Variants in TUT4 observed in about 807,000 individuals in gnomAD.
TUT4 encodes the protein terminal uridylyl transferase 4, also known as terminal uridylyltransferase 4.
In TUT4, 36 loss-of-function variants were observed where a neutral mutation model predicts 192.2. The observed-to-expected ratio is 0.19, with a 90% CI of 0.14 to 0.25. The LOEUF (loss-of-function observed/expected upper bound fraction) is 0.25, where lower values mean the gene tolerates loss of function less well. TUT4 is among the 10% of genes least tolerant of loss of function. The pLI, the probability that TUT4 is intolerant of heterozygous loss-of-function variation, is 1.00. For missense variants in TUT4, 1,493 were observed against 1,957.2 expected (o/e 0.76, Z 4.47); for synonymous variants, 618 against 666.0 (o/e 0.93, Z 1.11).
At chr1:52,480,262 C>A (rs1668177969) in intron 11 of TUT4, among the ~76,000 whole-genome samples, 1 of 152,108 alleles carries the variant, frequency 6.6e-6, no homozygotes, top group Non-Finnish European at 1.5e-5. Flanking sequence ...GCAAAGGAAA[C>A]TGAGAAGGAA....
Position 52,436,883 on chromosome 1 carries a change from T to A in TUT4, c.4034A>T (p.Asp1345Val), listed in dbSNP as rs1383499973. 2 of 1,613,902 alleles carry A rather than the reference T, an allele frequency of 1.2e-6. No individual in the cohort carries two copies. Among genetic ancestry groups the A allele is most frequent in the Non-Finnish European group, 1.7e-6 (2 of 1,179,960 alleles). Reference protein sequence around the residue: ...KDSRDVLDPRDLHDTRDFRDP... With the variant: ...KDSRDVLDPRVLHDTRDFRDP... ...TCTAAAGTCTCGAGTATCGTGGAGG[T>A]CTCGGGGGTCAAGAACATCTCGGGA... The change falls in exon 26 of 30, where the codon GAC becomes GTC. Residue 1345 changes from aspartate to valine, a missense_variant. Around this residue, in one of 7 missense-constraint regions of TUT4, gnomAD observed 351 missense variants for 397.8 expected, o/e 0.88. Transcript: ENST00000257177.
At chr1:52,463,910 C>T (rs1663325126) in intron 16 of TUT4, 5 of 622,272 alleles carry the variant, frequency 8.0e-6, no homozygotes, top group Non-Finnish European at 1.2e-5. Context: ...TTAGGTTCTA[C>T]AGTACTATTA....
chr1:52,531,509 C>A (rs556638757), intron 1 of TUT4, among the ~76,000 whole-genome samples: 8 of 152,310 alleles, frequency 5.3e-5, no homozygotes, highest in Admixed American at 2.6e-4. Context: ...GGTAAGAAAT[C>A]ATTTCTGATT....
intron 1 of TUT4, among the ~76,000 whole-genome samples, chr1:52,539,855 A>G (rs1387485318): frequency 1.3e-5 from 2 of 151,652 alleles, no homozygotes; most frequent in African/African-American, 4.8e-5. Context: ...GCAGTGAGCC[A>G]AGATTATGCC....
chr1:52,507,546 A>C (rs764276192), intron 4 of TUT4, among the ~76,000 whole-genome samples: 4 of 152,098 alleles, frequency 2.6e-5, no homozygotes, highest in Non-Finnish European at 5.9e-5. Context: ...TACGTCCTAT[A>C]TGGCTGCATT....
In TUT4 at chr1:52,525,897, T is replaced by C. The variant is rs61739318; in HGVS notation, c.384A>G (p.Ala128=). The C allele has an allele frequency of 2.2e-3, 3,566 of 1,614,076 alleles. 83 individuals carry two copies. The African/African-American group carries it at 0.043, about 20-fold the overall frequency. The change falls in exon 2 of 30, where the codon GCA becomes GCG. Residue 128 remains alanine (A), a synonymous_variant. Transcript: ENST00000257177. The part of the protein sequence containing the change: ...SEKATSLQAK[A]EKSPKSPNSV... ...AATTAGGTGACTTTGGTGATTTTTC[T>C]GCTTTTGCCTGTAAACTGGTTGCCT...
intron 15 of TUT4, among the ~76,000 whole-genome samples, chr1:52,465,559 A>G (rs973997233): frequency 6.6e-6 from 1 of 152,220 alleles, no homozygotes; most frequent in Non-Finnish European, 1.5e-5. Flanking sequence ...CATCCAAACA[A>G]TCATTGAGAC....
intron 1 of TUT4, among the ~76,000 whole-genome samples, chr1:52,539,764 G>A (rs1425384832): frequency 6.6e-6 from 1 of 151,760 alleles, no homozygotes; most frequent in East Asian, 1.9e-4. Flanking sequence ...AAAATTAGCT[G>A]GGAGTGGTGG....
intron 8 of TUT4, among the ~76,000 whole-genome samples, chr1:52,489,527 T>A (rs938077460): frequency 2.0e-5 from 3 of 152,226 alleles, no homozygotes; most frequent in African/African-American, 7.2e-5. Flanking sequence ...TAATATGTTA[T>A]TTTCAGAGTA....
intron 20 of TUT4, among the ~76,000 whole-genome samples, chr1:52,452,023 A>G (rs527460855): frequency 2.0e-5 from 3 of 151,952 alleles, no homozygotes; most frequent in African/African-American, 4.8e-5. Flanking sequence ...AAATTAAACC[A>G]ATTCTCGAAG....
chr1:52,453,149 C>A (rs1159937756), intron 20 of TUT4, among the ~76,000 whole-genome samples: 1 of 152,106 alleles, frequency 6.6e-6, no homozygotes, highest in South Asian at 2.1e-4. Context: ...CTTTGGGAGG[C>A]TGAGGCAGGT....
At chr1:52,484,940 ATTCT>A (rs1669419172) in intron 9 of TUT4, among the ~76,000 whole-genome samples, 1 of 152,110 alleles carries the variant, frequency 6.6e-6, no homozygotes, top group South Asian at 2.1e-4. Flanking sequence ...AATGTCATTC[ATTCT>A]ATCATTTCAT....
At chr1:52,469,055 T>C (rs1014144587) in intron 14 of TUT4, among the ~76,000 whole-genome samples, 1 of 150,740 alleles carries the variant, frequency 6.6e-6, no homozygotes. Context: ...AAAATTAATG[T>C]AATTCGTTAA....
Position 52,489,038 on chromosome 1 carries a change from G to A in TUT4, c.1389-3C>T, listed in dbSNP as rs1466417733. On this transcript the variant is annotated splice_region_variant and splice_polypyrimidine_tract_variant and intron_variant, in intron 8 of 29. Coordinates refer to ENST00000257177, the MANE Select transcript of TUT4 (RefSeq NM_001009881.3). Reference sequence around the variant, plus strand: ...CACTCACTCTACAAAGTAAACCACTGTGAATGAGAAAGAAACAAATTTCAT... The same window carrying A: ...CACTCACTCTACAAAGTAAACCACTATGAATGAGAAAGAAACAAATTTCAT... 1.2e-6 allele frequency: 2 copies of A among 1,605,058 alleles called. No individual in the cohort carries two copies. Among genetic ancestry groups the A allele is most frequent in the South Asian group, 1.1e-5 (1 of 89,046 alleles).
At chr1:52,451,061 C>T (rs970523733) in intron 20 of TUT4, among the ~76,000 whole-genome samples, 3 of 151,918 alleles carry the variant, frequency 2.0e-5, no homozygotes, top group South Asian at 2.1e-4. Context: ...GTCAGGAGAT[C>T]GAGACCATCC....
intron 11 of TUT4, among the ~76,000 whole-genome samples, chr1:52,479,458 A>G (rs1161722295): frequency 6.6e-6 from 1 of 152,178 alleles, no homozygotes; most frequent in Non-Finnish European, 1.5e-5. Context: ...CAGTGGAGGT[A>G]GTGAGAGGTA....
chr1:52,478,533 T>C (rs931828105), intron 11 of TUT4, among the ~76,000 whole-genome samples: 9 of 152,316 alleles, frequency 5.9e-5, no homozygotes, highest in Middle Eastern at 3.4e-3. Flanking sequence ...AAGTGGATAC[T>C]ATAGGTCAAG....
rs925846234 is a variant in TUT4 at position 52,497,074 on chromosome 1, T to C, written c.1109A>G (p.Asp370Gly). The C allele has an allele frequency of 1.2e-6, 2 of 1,614,008 alleles. No homozygotes were observed. Among genetic ancestry groups the C allele is most frequent in the Admixed American group, 1.7e-5 (1 of 59,988 alleles). ...TTCCTGACGGACTCTGAGGTCATCA[T>C]CTGTTATTCCATGTTCTTTTGCTAA... ...IELAKEHGITDDDLRVRQEIV... is the reference protein window; with the variant it reads ...IELAKEHGITGDDLRVRQEIV... The change falls in exon 5 of 30, where the codon GAT (aspartate) becomes GGT (glycine). Residue 370 changes from aspartate (D) to glycine (G), a missense_variant. Asp to Gly is a moderately conservative substitution (Grantham distance 94). Transcript: ENST00000257177.
intron 2 of TUT4, among the ~76,000 whole-genome samples, chr1:52,520,208 G>A (rs1205040936): frequency 6.6e-6 from 1 of 152,170 alleles, no homozygotes. Context: ...ATGAGGGCAA[G>A]GCAGAGAAAT....
Sources: allele counts gnomAD v4.1 joint callset (sites outside exome capture counted in the v4.1 genomes callset), GRCh38; gene constraint gnomAD v4.1.1; regional missense constraint gnomAD v4.1.1; transcripts MANE v1.5; gene names NCBI Gene and HGNC (gene_info 2026-07-23, HGNC 2026-07-21).